Variants in IL16 observed in about 807,000 individuals in gnomAD.
IL16 encodes interleukin 16.
In IL16, 67 loss-of-function variants were observed where a neutral mutation model predicts 110.1. The observed-to-expected ratio is 0.61, with a 90% CI of 0.50 to 0.75. The LOEUF is 0.75. Ranked by LOEUF, IL16 falls within the 30% of genes least tolerant of loss-of-function variation. IL16 has a pLI of 0.00. For missense variants in IL16, 1,545 were observed against 1,655.0 expected, an observed-to-expected ratio of 0.93 and a Z score of 1.15; for synonymous variants, 689 against 662.9, an observed-to-expected ratio of 1.04 and a Z score of -0.61.
intron 17 of IL16, 108 bp downstream of exon 17, chr15:81,306,274 G>C: frequency 5.9e-6 from 9 of 1,521,600 alleles, no homozygotes; most frequent in Non-Finnish European, 7.1e-6. Flanking sequence ...AGAATGTGTG[G>C]CTGCCTAGTA....
chr15:81,275,765 T>C (rs180932218), intron 6 of IL16, among the ~76,000 whole-genome samples: 1 of 152,330 alleles, frequency 6.6e-6, no homozygotes, highest in African/African-American at 2.4e-5. Flanking sequence ...AAATCATCTT[T>C]TGTAACTTCT....
intron 1 of IL16, among the ~76,000 whole-genome samples, chr15:81,204,914 G>T (rs1237534809): frequency 6.6e-6 from 1 of 151,752 alleles, no homozygotes; most frequent in Non-Finnish European, 1.5e-5. Context: ...GAGGGGTTGG[G>T]GGAGCAGACC....
At chr15:81,304,018 GT>G (rs574627202) in intron 16 of IL16, among the ~76,000 whole-genome samples, 408 of 152,352 alleles carry the variant, frequency 2.7e-3, no homozygotes, top group Admixed American at 4.8e-3. Context: ...TCCCAGGGCT[GT>G]GTTGTCTCAG....
Position 81,303,015 on chromosome 15 carries a change from A to ATGTGTGTGTGTGTGTGTGTG in IL16, c.3319-524_3319-505dup, listed in dbSNP as rs34522610. Among the ~76,000 whole-genome samples, 494 of 150,128 alleles carry ATGTGTGTGTGTGTGTGTGTG rather than the reference A, an allele frequency of 3.3e-3. 2 individuals are homozygous for ATGTGTGTGTGTGTGTGTGTG. The highest frequency in any genetic ancestry group is 0.012 in the African/African-American group (470 of 40,664). On this transcript the variant is annotated intron_variant, in intron 15 of 18. Transcript: ENST00000683961. This position sits in a 1 kb window ranked among gnomAD's most constrained non-coding sequence, Gnocchi z 4.1. ...GTCTAGGCTAGGAAGTACCGTAGTA[A>ATGTGTGTGTGTGTGTGTGTG]TGTGTGTGTGTGTGTGTGTGTGTGT...
intron 1 of IL16, among the ~76,000 whole-genome samples, chr15:81,219,514 G>T (rs1881413737): frequency 6.6e-6 from 1 of 152,036 alleles, no homozygotes; most frequent in South Asian, 2.1e-4. Flanking sequence ...GTGCCCCAGG[G>T]GCCTGGATCT....
rs1300226554 is a variant in IL16 at position 81,225,600 on chromosome 15, G to A, written c.201G>A (p.Ser67=). The A allele has an allele frequency of 2.6e-5, 42 of 1,613,914 alleles. No individual in the cohort carries two copies. The highest frequency in any genetic ancestry group is 3.4e-5 in the Non-Finnish European group (40 of 1,180,002). ...FHSSVQLADT[S]EAGPSSVPDL... Reference sequence around the variant, plus strand: ...CATCTGTGCAGCTGGCAGACACATCGGAGGCTGGGCCCAGCAGTGTTCCTG... The same window carrying A: ...CATCTGTGCAGCTGGCAGACACATCAGAGGCTGGGCCCAGCAGTGTTCCTG... Residue 67 remains serine (S), a synonymous_variant, in exon 2 of 19, where the codon TCG becomes TCA. Transcript: ENST00000683961.
intron 1 of IL16, among the ~76,000 whole-genome samples, chr15:81,210,907 C>T (rs1230291288): frequency 6.6e-6 from 1 of 152,164 alleles, no homozygotes; most frequent in African/African-American, 2.4e-5. Flanking sequence ...GAGTGGGCAT[C>T]CTTGTCTTAT....
intron 2 of IL16, among the ~76,000 whole-genome samples, chr15:81,234,453 C>G (rs544790936): frequency 7.2e-5 from 11 of 152,170 alleles, no homozygotes; most frequent in Non-Finnish European, 1.5e-4. Context: ...ATACAACATA[C>G]AGTCTTAATA....
At chr15:81,264,615 G>A (rs935693871) in intron 3 of IL16, among the ~76,000 whole-genome samples, 2 of 152,118 alleles carry the variant, frequency 1.3e-5, no homozygotes, top group South Asian at 4.2e-4. Flanking sequence ...CCATTCACTC[G>A]AGCCTCACTT....
At chr15:81,185,028 C>T (rs990618611) in intron 1 of IL16, among the ~76,000 whole-genome samples, 3 of 152,054 alleles carry the variant, frequency 2.0e-5, no homozygotes, top group Non-Finnish European at 2.9e-5. Context: ...GGACTTGGCC[C>T]CTGTCAGCAA....
In IL16 at chr15:81,313,353, C is replaced by A. The variant is rs774438779; in HGVS notation, c.*4555C>A. On this transcript the variant is annotated 3_prime_UTR_variant, in exon 19 of 19. Coordinates refer to ENST00000683961, the MANE Select transcript of IL16 (RefSeq NM_172217.5). Reference sequence around the variant, plus strand: ...GTCCACCACGTTCTGTGGGAGGTAACCGCTGAGGTCGGTATGGAAGAATGT... The same window carrying A: ...GTCCACCACGTTCTGTGGGAGGTAAACGCTGAGGTCGGTATGGAAGAATGT... 1.9e-6 allele frequency: 3 copies of A among 1,579,672 alleles called. No individual in the cohort carries two copies. Among genetic ancestry groups the A allele is most frequent in the Non-Finnish European group, 2.6e-6 (3 of 1,163,206 alleles).
chr15:81,282,165 C>A (rs987818917), intron 8 of IL16, among the ~76,000 whole-genome samples: 3 of 152,358 alleles, frequency 2.0e-5, no homozygotes, highest in Middle Eastern at 3.4e-3. Flanking sequence ...GGTCCTGCAA[C>A]ATGGCATGCT....
At chr15:81,236,765 G>A (rs1897189554) in intron 2 of IL16, among the ~76,000 whole-genome samples, 1 of 141,446 alleles carries the variant, frequency 7.1e-6, no homozygotes, top group Non-Finnish European at 1.5e-5. Flanking sequence ...AGACCAGCCT[G>A]GCCAACATGG....
At chr15:81,213,551 T>C (rs1263190394) in intron 1 of IL16, among the ~76,000 whole-genome samples, 1 of 152,328 alleles carries the variant, frequency 6.6e-6, no homozygotes, top group East Asian at 1.9e-4. Flanking sequence ...AAGGACTTGT[T>C]TTATGAATCT....
At chr15:81,193,033 G>A (rs929979412), upstream of IL16, among the ~76,000 whole-genome samples, 4 of 152,188 alleles carry the variant, frequency 2.6e-5, no homozygotes, top group African/African-American at 9.7e-5. Flanking sequence ...GGATGTTAGT[G>A]CACTAGCCAG....
At chr15:81,263,587 G>T (rs113712905) in intron 3 of IL16, among the ~76,000 whole-genome samples, 2 of 152,264 alleles carry the variant, frequency 1.3e-5, no homozygotes, top group African/African-American at 4.8e-5. Flanking sequence ...CCTGACTCTG[G>T]TCTGCGTCCC....
At chr15:81,287,359 C>T (rs1025607228) in intron 10 of IL16, among the ~76,000 whole-genome samples, 9 of 152,270 alleles carry the variant, frequency 5.9e-5, no homozygotes, top group African/African-American at 2.2e-4. Flanking sequence ...GGTAAAGATG[C>T]CCAGTAGGCA....
intron 13 of IL16, 38 bp from the exon 14 acceptor site, chr15:81,299,341 GA>G (rs1900144418): frequency 2.5e-6 from 4 of 1,605,348 alleles, no homozygotes; most frequent in African/African-American, 1.3e-5. Flanking sequence ...GTCACTGTAT[GA>G]TGTAATGCAC....
At chr15:81,249,654 A>G (rs1268505990) in intron 2 of IL16, among the ~76,000 whole-genome samples, 2 of 152,072 alleles carry the variant, frequency 1.3e-5, no homozygotes, top group African/African-American at 4.8e-5. Flanking sequence ...TTTGCTAAGA[A>G]CTATCTAGAT....
Sources: gnomAD v4.1 joint callset for allele counts (sites outside exome capture counted in the v4.1 genomes callset) on GRCh38, gnomAD v4.1.1 for gene constraint, Gnocchi (gnomAD v3.1) non-coding constraint, MANE v1.5 for transcripts, NCBI Gene and HGNC (gene_info 2026-07-23, HGNC 2026-07-21) for gene names.